Variants in PPFIA3 observed in about 807,000 individuals in gnomAD.
The protein encoded by PPFIA3 is PPFI scaffold protein A3.
PPFIA3 carries 26 observed loss-of-function variants against 145.8 expected under a neutral mutation model. That is an observed-to-expected ratio of 0.18 (90% CI 0.13 to 0.25). PPFIA3 has a LOEUF of 0.25. Ranked by LOEUF, PPFIA3 falls within the 10% of genes least tolerant of loss-of-function variation. The pLI is 1.00. For synonymous variants in PPFIA3, 645 were observed against 661.4 expected (o/e 0.98, Z 0.38); for missense variants, 1,008 against 1,587.8 (o/e 0.63, Z 6.21).
chr19:49,124,387 T>A (rs1370284741), intron 1 of PPFIA3, among the ~76,000 whole-genome samples: 1 of 152,148 alleles, frequency 6.6e-6, no homozygotes, highest in East Asian at 1.9e-4. Context: ...TATACCTTCA[T>A]CCCTAGCAGG....
chr19:49,137,013 A>C lies in PPFIA3; in HGVS notation c.1853+102A>C, dbSNP rs550753411. 95 of 1,133,402 alleles carry C rather than the reference A, an allele frequency of 8.4e-5. No individual in the cohort carries two copies. The South Asian group carries it at 1.6e-3, about 19-fold the overall frequency. 70.2% of individuals were successfully genotyped at this position (1,133,402 alleles called of 1,614,324 possible). A position where few individuals can be genotyped will look rare whatever the true frequency, so the allele number is the denominator to read the frequency against. ...AAAGCCTGAGTCCGTCTCCTCTTAC[A>C]CCATCCACAAGGAATTCTTCCAGCC... On this transcript the variant is annotated intron_variant, in intron 15 of 29. Coordinates refer to ENST00000334186, the MANE Select transcript of PPFIA3 (RefSeq NM_003660.4).
chr19:49,120,202 G>A lies in PPFIA3; in HGVS notation c.-16+480G>A, dbSNP rs1011395602. The stretch of plus-strand genomic sequence containing the variant: ...CAGGCCCGCTCTGGAGCTGTCCATG[G>A]TCAGCGCGCTCGGCAGCCTCGCCTC... On this transcript the variant is annotated intron_variant, in intron 1 of 29. Transcript: ENST00000334186. The surrounding 1 kb of genome is among the most constrained non-coding windows in gnomAD (Gnocchi z 4.6). Among the ~76,000 whole-genome samples, 1 of 151,966 alleles carries A rather than the reference G, an allele frequency of 6.6e-6. No homozygotes were observed. The highest frequency in any genetic ancestry group is 2.4e-5 in the African/African-American group (1 of 41,404).
Position 49,149,527 on chromosome 19 carries a change from T to C in PPFIA3, c.3355-20T>C, listed in dbSNP as rs763159801. 1.2e-6 allele frequency: 2 copies of C among 1,613,772 alleles called. No individual in the cohort carries two copies. Among genetic ancestry groups the C allele is most frequent in the African/African-American group, 2.7e-5 (2 of 74,936 alleles). On this transcript the variant is annotated intron_variant, in intron 27 of 29. Coordinates refer to ENST00000334186, the MANE Select transcript of PPFIA3 (RefSeq NM_003660.4). This position sits in a 1 kb window ranked among gnomAD's most constrained non-coding sequence, Gnocchi z 5.7. ...GACAAGGCAGGAGTCCCTCACCGGC[T>C]GTCCGGCTCCTATACCTAGGACAGC...
intron 15 of PPFIA3, among the ~76,000 whole-genome samples, chr19:49,137,764 G>A (rs949089918): frequency 1.3e-5 from 2 of 151,144 alleles, no homozygotes; most frequent in Admixed American, 6.6e-5. Context: ...ATGAGCCTTC[G>A]GCAAATATAC....
In PPFIA3 at chr19:49,133,806, G is replaced by C. The variant is rs1303317185; in HGVS notation, c.1172G>C (p.Arg391Pro). The C allele has an allele frequency of 3.1e-6, 5 of 1,613,312 alleles. No homozygotes were observed. Among genetic ancestry groups the C allele is most frequent in the Non-Finnish European group, 3.4e-6 (4 of 1,180,028 alleles). Reference protein sequence around the residue: ...RVAALNKAEERHGNFEERLRQ... With the variant: ...RVAALNKAEEPHGNFEERLRQ... ...GGTTCCATCTCCTAGGCCGAGGAAC[G>C]TCATGGGAATTTTGAGGAGCGGCTT... The change falls in exon 10 of 30, where the codon CGT becomes CCT. Residue 391 changes from arginine (R) to proline (P), a missense_variant. Transcript: ENST00000334186. The surrounding 1 kb of genome is among the most constrained non-coding windows in gnomAD (Gnocchi z 7.2).
intron 21 of PPFIA3, among the ~76,000 whole-genome samples, chr19:49,143,544 T>C (rs1348678216): frequency 6.6e-6 from 1 of 152,112 alleles, no homozygotes; most frequent in Non-Finnish European, 1.5e-5. Flanking sequence ...AGTTAATTTT[T>C]GTATTTTTAG....
intron 28 of PPFIA3, 79 bp from the exon 29 acceptor site, chr19:49,150,001 G>A (rs1053194361): frequency 1.4e-6 from 2 of 1,478,124 alleles, no homozygotes; most frequent in Non-Finnish European, 1.8e-6. Flanking sequence ...ATCGGGAAGG[G>A]AAGTCCAAAG....
chr19:49,135,535 G>A (rs1158397977), intron 13 of PPFIA3, among the ~76,000 whole-genome samples: 1 of 152,000 alleles, frequency 6.6e-6, no homozygotes. Context: ...ACCACATCCA[G>A]CTAATTTTTT....
At chr19:49,137,746 T>A (rs546258542) in intron 15 of PPFIA3, among the ~76,000 whole-genome samples, 5 of 151,446 alleles carry the variant, frequency 3.3e-5, no homozygotes, top group Admixed American at 2.0e-4. Flanking sequence ...TCTTATAATG[T>A]ACTCCCCATG....
In PPFIA3 at chr19:49,132,990, T is replaced by G. The variant is rs1568436416; in HGVS notation, c.880-11T>G. 1 of 1,609,040 alleles carries G rather than the reference T, an allele frequency of 6.2e-7. No homozygotes were observed. The highest frequency in any genetic ancestry group is 8.5e-7 in the Non-Finnish European group (1 of 1,178,576). ...GCTCGCAGTCCACGGGGCCCTTTGC[T>G]ACCTCCGCAGGCGCTGGCGCAGCGG... On this transcript the variant is annotated splice_polypyrimidine_tract_variant and intron_variant, in intron 7 of 29. Coordinates refer to ENST00000334186, the MANE Select transcript of PPFIA3 (RefSeq NM_003660.4).
intron 13 of PPFIA3, among the ~76,000 whole-genome samples, chr19:49,135,568 T>C (rs2041127992): frequency 6.6e-6 from 1 of 151,610 alleles, no homozygotes; most frequent in Non-Finnish European, 1.5e-5. Flanking sequence ...GAGACAGGGC[T>C]TCACCAGGTT....
At position 49,135,848 on chromosome 19, in the gene PPFIA3, G is replaced by A. The variant is rs759808320; in HGVS notation, c.1590G>A (p.Leu530=). The A allele has an allele frequency of 4.3e-6, 7 of 1,613,888 alleles. No homozygotes were observed. The highest frequency in any genetic ancestry group is 2.7e-5 in the African/African-American group (2 of 74,930). ...CCACTTTACCTTCTGGTGCCCACCT[G>A]GATCCCTATGTGGCTGGCAGTGGTC... The part of the protein sequence containing the change: ...QAPTLPSGAH[L]DPYVAGSGRA... Residue 530 remains leucine, a synonymous_variant, in exon 14 of 30, where the codon CTG becomes CTA. Transcript: ENST00000334186.
At chr19:49,136,503 C>G (rs1568437902) in intron 14 of PPFIA3, among the ~76,000 whole-genome samples, 1 of 152,156 alleles carries the variant, frequency 6.6e-6, no homozygotes, top group Non-Finnish European at 1.5e-5. Flanking sequence ...GCAGAAGAAT[C>G]GTTCGAACCT....
chr19:49,133,758 G>A lies in PPFIA3; in HGVS notation c.1162-38G>A, dbSNP rs1161707316. 2 of 1,596,884 alleles carry A rather than the reference G, an allele frequency of 1.3e-6. No individual in the cohort carries two copies. Among genetic ancestry groups the A allele is most frequent in the East Asian group, 2.2e-5 (1 of 44,760 alleles). ...TGGGGCTGGGAGCCTGACTGATCCT[G>A]GAAGGGTAAGTCACACGCCATGGGT... On this transcript the variant is annotated intron_variant, in intron 9 of 29. Coordinates refer to ENST00000334186, the MANE Select transcript of PPFIA3 (RefSeq NM_003660.4). This position sits in a 1 kb window ranked among gnomAD's most constrained non-coding sequence, Gnocchi z 7.2.
chr19:49,149,329 G>A lies in PPFIA3; in HGVS notation c.3354+4G>A, dbSNP rs1568442930. 1 of 1,614,008 alleles carries A rather than the reference G, an allele frequency of 6.2e-7. No individual in the cohort carries two copies. The highest frequency in any genetic ancestry group is 8.5e-7 in the Non-Finnish European group (1 of 1,180,026). ...CACAGACAGGCGGCTGGACGAGGTG[G>A]GCGCGGCAACAGCTCAGAGGGCTCT... On this transcript the variant is annotated splice_donor_region_variant and intron_variant, in intron 27 of 29. Coordinates refer to ENST00000334186, the MANE Select transcript of PPFIA3 (RefSeq NM_003660.4). The surrounding 1 kb of genome is among the most constrained non-coding windows in gnomAD (Gnocchi z 5.7).
chr19:49,137,816 C>T (rs993456257), intron 15 of PPFIA3, among the ~76,000 whole-genome samples: 6 of 152,048 alleles, frequency 3.9e-5, no homozygotes, highest in African/African-American at 1.4e-4. Flanking sequence ...CATGCCCTTC[C>T]CAGATCCTAG....
intron 1 of PPFIA3, 121 bp from the exon 2 acceptor site, chr19:49,127,738 C>A: frequency 8.5e-7 from 1 of 1,180,228 alleles, no homozygotes; most frequent in South Asian, 1.5e-5. Context: ...TCAGTTTCTT[C>A]TGTGCAGTGC....
chr19:49,128,059 G>T lies in PPFIA3; in HGVS notation c.186G>T (p.Glu62Asp). ...CTACAGCGCAGCTGCGGCTGCGCGA[G>T]CTCGGCCACGAGAAGGACTCGCTGC... ...GLATAQLRLR[E>D]LGHEKDSLQR... The change falls in exon 2 of 30, where the codon GAG becomes GAT. Residue 62 changes from glutamate to aspartate, a missense_variant. Glu to Asp is a conservative substitution (Grantham distance 45). This residue lies in a region of PPFIA3 where 108 missense variants were observed against 144.3 expected (regional missense o/e 0.75). Transcript: ENST00000334186. This position sits in a 1 kb window ranked among gnomAD's most constrained non-coding sequence, Gnocchi z 4.1. 6.3e-7 allele frequency: 1 copy of T among 1,594,014 alleles called. No homozygotes were observed. Among genetic ancestry groups the T allele is most frequent in the Non-Finnish European group, 8.5e-7 (1 of 1,177,860 alleles).
intron 23 of PPFIA3, among the ~76,000 whole-genome samples, chr19:49,147,242 A>ATGGAT (rs1237701680): frequency 6.6e-6 from 1 of 152,066 alleles, no homozygotes; most frequent in Non-Finnish European, 1.5e-5. Context: ...AGTGAGACAG[A>ATGGAT]GTTAAAGCAG....
Sources: allele counts gnomAD v4.1 joint callset (sites outside exome capture counted in the v4.1 genomes callset), GRCh38; gene constraint gnomAD v4.1.1; regional missense constraint gnomAD v4.1.1; non-coding constraint Gnocchi (gnomAD v3.1); transcripts MANE v1.5; gene names NCBI Gene and HGNC (gene_info 2026-07-23, HGNC 2026-07-21).